The following STRADA variants were observed in gnomAD, a reference collection of about 807,000 sequenced individuals.
STRADA encodes STE20 related adaptor alpha.
A neutral mutation model predicts 55.0 loss-of-function variants in STRADA; 26 were observed. That is an observed-to-expected ratio of 0.47 (90% CI 0.35 to 0.66). The LOEUF is 0.66. Among genes scored for constraint, STRADA ranks in the 30% least tolerant of loss-of-function variants. The pLI, the probability that STRADA is intolerant of heterozygous loss-of-function variation, is 0.01. For missense variants in STRADA, 443 were observed against 549.7 expected (o/e 0.81, Z 1.94); for synonymous variants, 197 against 210.9 (o/e 0.93, Z 0.57).
intron 1 of STRADA, among the ~76,000 whole-genome samples, chr17:63,731,553 C>T (rs546121817): frequency 1.1e-4 from 17 of 151,988 alleles, no homozygotes; most frequent in Middle Eastern, 3.2e-3. Flanking sequence ...CATGAGCCAC[C>T]GCGCCTGGCC....
intron 8 of STRADA, chr17:63,710,239 A>T: frequency 2.5e-6 from 1 of 400,068 alleles, no homozygotes; most frequent in Non-Finnish European, 4.5e-6. Context: ...GGGTTTCACT[A>T]TGTTGGCCAG....
At chr17:63,723,195 A>G in intron 4 of STRADA, 103 bp downstream of exon 4, 1 of 1,331,756 alleles carries the variant, frequency 7.5e-7, no homozygotes, top group Non-Finnish European at 1.1e-6. Context: ...TCAGTGACAG[A>G]TAAGCAGAAA....
At chr17:63,735,578 C>G (rs1270751783) in intron 1 of STRADA, among the ~76,000 whole-genome samples, 1 of 152,164 alleles carries the variant, frequency 6.6e-6, no homozygotes. Context: ...ATTTTAGAAT[C>G]TCACCTCTCT....
At chr17:63,734,016 C>G (rs2038249069) in intron 1 of STRADA, among the ~76,000 whole-genome samples, 1 of 152,172 alleles carries the variant, frequency 6.6e-6, no homozygotes, top group South Asian at 2.1e-4. Context: ...ATGAATGTGA[C>G]TATATGCTGA....
intron 5 of STRADA, 124 bp from the exon 6 acceptor site, chr17:63,713,651 C>CTT: frequency 1.3e-4 from 128 of 978,298 alleles, no homozygotes; most frequent in Non-Finnish European, 1.6e-4. Flanking sequence ...ACTACTGTTA[C>CTT]TTTTTTTTTT....
Position 63,708,171 on chromosome 17 carries a change from G to A in STRADA, c.582-753C>T, listed in dbSNP as rs573307607. On this transcript the variant is annotated intron_variant, in intron 8 of 12. Coordinates refer to ENST00000336174, the MANE Select transcript of STRADA (RefSeq NM_001003787.4). Reference sequence around the variant, plus strand: ...GCTGGGATTACAGGTGTGAATCACCGTGACCGGCCTATAACCAGGTTTTTT... The same window carrying A: ...GCTGGGATTACAGGTGTGAATCACCATGACCGGCCTATAACCAGGTTTTTT... 1.1e-4 allele frequency among the ~76,000 whole-genome samples: 17 copies of A among 151,710 alleles called. No homozygotes were observed. The South Asian group carries it at 1.5e-3, about 13-fold the overall frequency.
intron 1 of STRADA, among the ~76,000 whole-genome samples, chr17:63,730,052 T>C (rs1487731349): frequency 2.0e-5 from 3 of 151,968 alleles, no homozygotes; most frequent in Non-Finnish European, 4.4e-5. Context: ...GCCAGGCTAG[T>C]CTCGAACTCC....
intron 10 of STRADA, chr17:63,705,477 A>C (rs1211103241): frequency 6.2e-6 from 1 of 161,494 alleles, no homozygotes; most frequent in Non-Finnish European, 1.4e-5. Context: ...GAGATCTCCT[A>C]GATTCCTCAC....
In STRADA at chr17:63,712,391, G is replaced by T. The variant is rs374566515; in HGVS notation, c.348+1015C>A. On this transcript the variant is annotated intron_variant, in intron 6 of 12. Transcript: ENST00000336174. The stretch of plus-strand genomic sequence containing the variant: ...CCTGCCCCCTCTCTCAGTTTAACGA[G>T]AGAGTGGCTACTTGCTTCTCGAATA... 5.9e-5 allele frequency: 9 copies of T among 152,300 alleles called. No individual in the cohort carries two copies. The East Asian group carries it at 1.4e-3, about 23-fold the overall frequency. 9.4% of individuals were successfully genotyped at this position (152,300 alleles called of 1,614,324 possible).
intron 12 of STRADA, 56 bp from the exon 13 acceptor site, chr17:63,703,807 C>G: frequency 6.2e-7 from 1 of 1,608,732 alleles, no homozygotes. Flanking sequence ...TCCCAGGACA[C>G]CATGGGGCAA....
intron 1 of STRADA, among the ~76,000 whole-genome samples, chr17:63,737,897 G>A (rs2038567166): frequency 6.6e-6 from 1 of 152,050 alleles, no homozygotes; most frequent in African/African-American, 2.4e-5. Context: ...TGAGACGGGA[G>A]GATCACTTGA....
At chr17:63,730,836 C>T (rs1299828092) in intron 1 of STRADA, among the ~76,000 whole-genome samples, 1 of 152,084 alleles carries the variant, frequency 6.6e-6, no homozygotes, top group African/African-American at 2.4e-5. Context: ...GTTGGGATTA[C>T]AGGTGCGAGC....
chr17:63,719,757 T>C (rs1036365648), intron 4 of STRADA, among the ~76,000 whole-genome samples: 2 of 152,154 alleles, frequency 1.3e-5, no homozygotes, highest in African/African-American at 4.8e-5. Flanking sequence ...GTGCTGGGGT[T>C]ACAGGCGTGA....
Position 63,704,598 on chromosome 17 carries a change from C to A in STRADA, c.859-16G>T. The A allele has an allele frequency of 7.1e-7, 1 of 1,416,130 alleles. No homozygotes were observed. Among genetic ancestry groups the A allele is most frequent in the Non-Finnish European group, 9.3e-7 (1 of 1,080,088 alleles). The allele number at this position is 1,416,130 out of a possible 1,614,324, so 87.7% of individuals were successfully genotyped here. On this transcript the variant is annotated splice_polypyrimidine_tract_variant and intron_variant, in intron 10 of 12. Transcript: ENST00000336174. ...CTAGCAGCATCTGGGGAGGACAGAACCAGGACCTGGGCTGTAGCGGGTGGG... is the reference window on the plus strand; with the variant it reads ...CTAGCAGCATCTGGGGAGGACAGAAACAGGACCTGGGCTGTAGCGGGTGGG...
intron 1 of STRADA, among the ~76,000 whole-genome samples, chr17:63,730,145 C>G (rs1159517729): frequency 6.6e-6 from 1 of 152,110 alleles, no homozygotes; most frequent in Admixed American, 6.6e-5. Context: ...CAATGTCTCT[C>G]TTTCCTTATA....
intron 1 of STRADA, among the ~76,000 whole-genome samples, chr17:63,731,481 A>G (rs1028076386): frequency 1.4e-5 from 2 of 147,228 alleles, no homozygotes; most frequent in Non-Finnish European, 3.0e-5. Context: ...GGCCAAGATG[A>G]TCTCGATCTC....
rs149172145 is a variant in STRADA, at chr17:63,714,037, C to G, written c.195G>C (p.Glu65Asp). The G allele has an allele frequency of 6.2e-6, 10 of 1,613,894 alleles. No individual in the cohort carries two copies. The highest frequency in any genetic ancestry group is 7.6e-6 in the Non-Finnish European group (9 of 1,179,958). The change falls in exon 5 of 13, where the codon GAG becomes GAC. Residue 65 changes from glutamate to aspartate, a missense_variant. Coordinates refer to ENST00000336174, the MANE Select transcript of STRADA (RefSeq NM_001003787.4). The part of the protein sequence containing the change: ...KQEVMSSFLP[E>D]GGCYELLTVI... The stretch of plus-strand genomic sequence containing the variant: ...CAGTGAGCAGCTCGTAACACCCTCC[C>G]TCTGGCAGAAAGCTACTCATGACCT...
intron 1 of STRADA, among the ~76,000 whole-genome samples, chr17:63,730,428 CTCTG>C (rs963253549): frequency 2.0e-5 from 3 of 149,934 alleles, no homozygotes; most frequent in Non-Finnish European, 4.4e-5. Context: ...CGGGGTCTGG[CTCTG>C]TCATCCAGTC....
rs114089098 is a variant in STRADA, at chr17:63,712,729, G to A, written c.348+677C>T. 8.7e-3 allele frequency among the ~76,000 whole-genome samples: 1,311 copies of A among 151,256 alleles called. 18 individuals are homozygous for A. The highest frequency in any genetic ancestry group is 0.031 in the African/African-American group (1,257 of 41,188). Reference sequence around the variant, plus strand: ...TCTCGAAAAAAAAGAGGCCAGATGCGGTGGCTCACATTTGTAATCACAGCA... The same window carrying A: ...TCTCGAAAAAAAAGAGGCCAGATGCAGTGGCTCACATTTGTAATCACAGCA... On this transcript the variant is annotated intron_variant, in intron 6 of 12. Coordinates refer to ENST00000336174, the MANE Select transcript of STRADA (RefSeq NM_001003787.4).
Sources: gnomAD v4.1 joint callset for allele counts (sites outside exome capture counted in the v4.1 genomes callset) on GRCh38, gnomAD v4.1.1 for gene constraint, MANE v1.5 for transcripts, NCBI Gene and HGNC (gene_info 2026-07-23, HGNC 2026-07-21) for gene names.